The following SYNPO2 variants were observed in gnomAD, a reference collection of about 807,000 sequenced individuals.
SYNPO2 encodes the protein synaptopodin 2.
A neutral mutation model predicts 85.0 loss-of-function variants in SYNPO2; 56 were observed. The ratio of observed to expected loss-of-function variants is 0.66; its 90% CI spans 0.53 to 0.82. The LOEUF is 0.82. Among genes scored for constraint, SYNPO2 ranks in the 40% least tolerant of loss-of-function variants. The pLI is 0.00. For missense variants in SYNPO2, 1,575 were observed against 1,534.2 expected, an observed-to-expected ratio of 1.03 and a Z score of -0.44; for synonymous variants, 602 against 591.1, an observed-to-expected ratio of 1.02 and a Z score of -0.27.
At chr4:118,861,182 A>G (rs954390870) in intron 1 of SYNPO2, among the ~76,000 whole-genome samples, 1 of 151,750 alleles carries the variant, frequency 6.6e-6, no homozygotes, top group Non-Finnish European at 1.5e-5. Context: ...TTTTTTTGAG[A>G]TGGAGTCTCA....
chr4:119,033,139 C>T (rs1487145597), intron 4 of SYNPO2: 1 of 985,310 alleles, frequency 1.0e-6, no homozygotes, highest in African/African-American at 1.7e-5. Flanking sequence ...GGTTTACTGA[C>T]TGACTACAGG....
At chr4:118,980,303 G>T (rs1182487234) in intron 1 of SYNPO2, among the ~76,000 whole-genome samples, 1 of 152,148 alleles carries the variant, frequency 6.6e-6, no homozygotes. Flanking sequence ...AGCCTTGTTA[G>T]TCTGCTGATG....
intron 1 of SYNPO2, among the ~76,000 whole-genome samples, chr4:118,926,971 C>A (rs181176401): frequency 6.6e-6 from 1 of 152,024 alleles, no homozygotes; most frequent in Non-Finnish European, 1.5e-5. Flanking sequence ...ATTGATTTAC[C>A]CTCTATTGGT....
intron 1 of SYNPO2, among the ~76,000 whole-genome samples, chr4:118,909,695 TGGA>T (rs1414209424): frequency 4.6e-5 from 7 of 152,264 alleles, no homozygotes; most frequent in Admixed American, 2.0e-4. Context: ...TTCCTGTGCA[TGGA>T]GGAGCAGAGG....
intron 1 of SYNPO2, among the ~76,000 whole-genome samples, chr4:118,895,262 T>C (rs1408552650): frequency 6.6e-6 from 1 of 152,086 alleles, no homozygotes; most frequent in Non-Finnish European, 1.5e-5. Flanking sequence ...GGCTCCAGGG[T>C]GTGGCATGGA....
chr4:119,028,479 A>G (rs1037765168), intron 3 of SYNPO2, among the ~76,000 whole-genome samples: 1 of 152,196 alleles, frequency 6.6e-6, no homozygotes, highest in Admixed American at 6.5e-5. Context: ...TTTATAGCAT[A>G]TTAAACAAGA....
intron 1 of SYNPO2, among the ~76,000 whole-genome samples, chr4:118,985,732 GC>G (rs1223918817): frequency 1.3e-5 from 2 of 152,214 alleles, no homozygotes; most frequent in Non-Finnish European, 2.9e-5. Flanking sequence ...GCTGGGCTGG[GC>G]CCTGCACAGA....
intron 4 of SYNPO2, among the ~76,000 whole-genome samples, chr4:119,047,890 C>T (rs934627792): frequency 1.3e-5 from 2 of 152,184 alleles, no homozygotes; most frequent in Non-Finnish European, 2.9e-5. Context: ...TCATGATAAA[C>T]GGTAAATCAA....
At chr4:118,991,093 G>C (rs1047019324) in intron 1 of SYNPO2, among the ~76,000 whole-genome samples, 1 of 151,980 alleles carries the variant, frequency 6.6e-6, no homozygotes, top group Non-Finnish European at 1.5e-5. Flanking sequence ...CAACTTCCCG[G>C]GCCTAGTTCT....
chr4:119,020,425 T>G (rs927292250), intron 1 of SYNPO2, among the ~76,000 whole-genome samples: 1 of 152,192 alleles, frequency 6.6e-6, no homozygotes, highest in African/African-American at 2.4e-5. Flanking sequence ...GAACTGCACT[T>G]TTCCTATCAT....
At chr4:118,917,346 G>C (rs752425334) in intron 1 of SYNPO2, among the ~76,000 whole-genome samples, 1 of 152,046 alleles carries the variant, frequency 6.6e-6, no homozygotes. Context: ...AGCCAAGATC[G>C]CACCATTGGA....
At chr4:118,936,269 C>T (rs548985043) in intron 1 of SYNPO2, among the ~76,000 whole-genome samples, 1 of 152,224 alleles carries the variant, frequency 6.6e-6, no homozygotes, top group South Asian at 2.1e-4. Context: ...ATTTCTCAAA[C>T]ATATCTCCAT....
At chr4:119,040,048 C>T (rs757059070) in intron 4 of SYNPO2, among the ~76,000 whole-genome samples, 104 of 152,116 alleles carry the variant, frequency 6.8e-4, no homozygotes, top group Non-Finnish European at 1.3e-3. Flanking sequence ...AGCTGTGAAA[C>T]GAAGACAATA....
chr4:118,881,030 T>C (rs1732080569), intron 1 of SYNPO2, among the ~76,000 whole-genome samples: 1 of 151,324 alleles, frequency 6.6e-6, no homozygotes, highest in African/African-American at 2.4e-5. Flanking sequence ...GGGCCGAACG[T>C]GGTGGCTCAT....
chr4:118,956,402 A>G (rs542433108), intron 1 of SYNPO2, among the ~76,000 whole-genome samples: 15 of 152,332 alleles, frequency 9.8e-5, no homozygotes, highest in African/African-American at 3.6e-4. Flanking sequence ...TTGCAGGAAG[A>G]AAAAGGAGAA....
rs1732277806 is a variant in SYNPO2, at chr4:118,889,034, A to G, written c.-3A>G. 6.2e-7 allele frequency: 1 copy of G among 1,614,104 alleles called. No homozygotes were observed. Among genetic ancestry groups the G allele is most frequent in the Non-Finnish European group, 8.5e-7 (1 of 1,179,994 alleles). Reference sequence around the variant, plus strand: ...CTTCATGCTGCCCAACTAAAAGGAAAACATGGGCACAGGGGATTTTATCTG... The same window carrying G: ...CTTCATGCTGCCCAACTAAAAGGAAGACATGGGCACAGGGGATTTTATCTG... On this transcript the variant is annotated 5_prime_UTR_variant, in exon 1 of 5. Coordinates refer to ENST00000307142, the MANE Select transcript of SYNPO2 (RefSeq NM_133477.3).
At chr4:119,050,341 A>T (rs1738996202) in intron 4 of SYNPO2, among the ~76,000 whole-genome samples, 1 of 152,150 alleles carries the variant, frequency 6.6e-6, no homozygotes, top group African/African-American at 2.4e-5. Context: ...TCAAAAAAAA[A>T]AAAAGATATT....
intron 1 of SYNPO2, among the ~76,000 whole-genome samples, chr4:118,962,416 G>A (rs995005467): frequency 6.6e-6 from 1 of 152,078 alleles, no homozygotes; most frequent in Non-Finnish European, 1.5e-5. Context: ...TAAACCTAGC[G>A]ATAACGGGTA....
At chr4:119,001,463 A>G (rs1281408430) in intron 1 of SYNPO2, among the ~76,000 whole-genome samples, 1 of 152,254 alleles carries the variant, frequency 6.6e-6, no homozygotes, top group Non-Finnish European at 1.5e-5. Flanking sequence ...CTTCATGTCC[A>G]TAGCACATAG....
Sources: gnomAD v4.1 joint callset for allele counts (sites outside exome capture counted in the v4.1 genomes callset) on GRCh38, gnomAD v4.1.1 for gene constraint, MANE v1.5 for transcripts, NCBI Gene and HGNC (gene_info 2026-07-23, HGNC 2026-07-21) for gene names.